Variants in STK39 observed in about 807,000 individuals in gnomAD.
STK39 encodes the protein STE20/SPS1-related proline-alanine-rich protein kinase.
A neutral mutation model predicts 77.8 loss-of-function variants in STK39; 20 were observed. The ratio of observed to expected loss-of-function variants is 0.26; its 90% confidence interval spans 0.18 to 0.37. STK39 has a LOEUF of 0.37. STK39 is among the 10% of genes least tolerant of loss of function. The probability of loss-of-function intolerance (pLI) is 1.00; values close to 1 mark genes in which losing one functional copy is unlikely to be tolerated. For synonymous variants in STK39, 246 were observed against 234.1 expected (o/e 1.05, Z -0.47); for missense variants, 479 against 656.5 (o/e 0.73, Z 2.95).
At chr2:168,195,685 G>C (rs945156586) in intron 1 of STK39, among the ~76,000 whole-genome samples, 1 of 152,178 alleles carries the variant, frequency 6.6e-6, no homozygotes, top group Non-Finnish European at 1.5e-5. Flanking sequence ...CATCCAGTTA[G>C]AGTAACAAGA....
chr2:168,163,953 T>A, intron 3 of STK39, 73 bp from the exon 4 acceptor site: 1 of 1,520,410 alleles, frequency 6.6e-7, no homozygotes, highest in Non-Finnish European at 8.8e-7. Context: ...CCATTATGTA[T>A]AAAATTTAAT....
At chr2:168,024,000 A>C (rs897030093) in intron 14 of STK39, among the ~76,000 whole-genome samples, 1 of 152,178 alleles carries the variant, frequency 6.6e-6, no homozygotes, top group Non-Finnish European at 1.5e-5. Flanking sequence ...TCAAAGGGAT[A>C]CCCACACACT....
At chr2:168,243,458 T>C (rs1363957130) in intron 1 of STK39, among the ~76,000 whole-genome samples, 1 of 152,186 alleles carries the variant, frequency 6.6e-6, no homozygotes, top group Admixed American at 6.5e-5. Flanking sequence ...TCGTGTTGAC[T>C]AAGATGGCAA....
At chr2:168,162,803 A>G (rs1688607795) in intron 4 of STK39, among the ~76,000 whole-genome samples, 1 of 152,046 alleles carries the variant, frequency 6.6e-6, no homozygotes, top group Non-Finnish European at 1.5e-5. Flanking sequence ...TAAGGTGGGC[A>G]GATCATCTGG....
At chr2:168,079,919 T>G (rs139026754) in intron 10 of STK39, among the ~76,000 whole-genome samples, 3,014 of 152,248 alleles carry the variant, frequency 0.02, 102 homozygotes, top group African/African-American at 0.069. Flanking sequence ...GTGACACATG[T>G]AACATGTGTC....
At chr2:168,123,314 T>C (rs536999946) in intron 10 of STK39, among the ~76,000 whole-genome samples, 1 of 152,336 alleles carries the variant, frequency 6.6e-6, no homozygotes, top group East Asian at 1.9e-4. Context: ...TTGGCAAATG[T>C]AGCAAAATTC....
chr2:168,204,754 C>A (rs762657116), intron 1 of STK39, among the ~76,000 whole-genome samples: 1 of 152,144 alleles, frequency 6.6e-6, no homozygotes, highest in Non-Finnish European at 1.5e-5. Flanking sequence ...AGGAGATGAT[C>A]GTTTTTAATG....
intron 5 of STK39, among the ~76,000 whole-genome samples, chr2:168,157,564 C>T (rs758312111): frequency 1.3e-5 from 2 of 152,138 alleles, no homozygotes; most frequent in Non-Finnish European, 2.9e-5. Context: ...AAGGACCCGC[C>T]TTCTTGTTTA....
Position 168,110,427 on chromosome 2 carries a change from G to A in STK39, c.1089+19114C>T, listed in dbSNP as rs140691416. Among the ~76,000 whole-genome samples the A allele has an allele frequency of 6.4e-4, 98 of 151,976 alleles. No individual in the cohort carries two copies. The East Asian group carries it at 0.013, about 20-fold the overall frequency. ...TTTTATTTTTATTTTTTGTAGAGAT[G>A]CGGTCTCGCTATGTTGCCCAGGGTA... On this transcript the variant is annotated intron_variant, in intron 10 of 17. Coordinates refer to ENST00000355999, the MANE Select transcript of STK39 (RefSeq NM_013233.3).
intron 1 of STK39, among the ~76,000 whole-genome samples, chr2:168,234,882 G>A (rs1690557111): frequency 6.6e-6 from 1 of 151,944 alleles, no homozygotes; most frequent in Admixed American, 6.6e-5. Context: ...GCCAGATGCA[G>A]TGGCTCATGC....
intron 10 of STK39, among the ~76,000 whole-genome samples, chr2:168,118,616 A>AAC (rs1171011556): frequency 5.9e-5 from 9 of 151,466 alleles, no homozygotes; most frequent in African/African-American, 1.7e-4. Flanking sequence ...AAAAAAAAAA[A>AAC]AAAAAAACAA....
intron 14 of STK39, 41 bp downstream of exon 14, chr2:168,063,459 T>C: frequency 6.5e-7 from 1 of 1,545,270 alleles, no homozygotes; most frequent in Non-Finnish European, 8.8e-7. Context: ...AAAATTGTAC[T>C]ATAGGAAAAA....
chr2:168,018,237 C>T (rs766065680), intron 14 of STK39, among the ~76,000 whole-genome samples: 5 of 152,054 alleles, frequency 3.3e-5, no homozygotes, highest in Non-Finnish European at 5.9e-5. Flanking sequence ...CAGTGGCTCA[C>T]GCCTGTAATC....
intron 13 of STK39, 119 bp from the exon 14 acceptor site, chr2:168,063,689 T>G: frequency 2.4e-6 from 2 of 841,988 alleles, no homozygotes; most frequent in Non-Finnish European, 3.7e-6. Flanking sequence ...ACTAGATCTT[T>G]ACACACGCAG....
chr2:168,040,992 G>A (rs750205269), intron 14 of STK39, among the ~76,000 whole-genome samples: 9 of 152,092 alleles, frequency 5.9e-5, no homozygotes, highest in Non-Finnish European at 8.8e-5. Context: ...TAAATTTTGT[G>A]CATTATGGGA....
intron 8 of STK39, among the ~76,000 whole-genome samples, chr2:168,131,489 C>T (rs1687695898): frequency 6.6e-6 from 1 of 152,122 alleles, no homozygotes; most frequent in African/African-American, 2.4e-5. Context: ...AGGGATCAAA[C>T]CCAAGCATAG....
intron 14 of STK39, among the ~76,000 whole-genome samples, chr2:168,022,230 A>G (rs1323506368): frequency 6.6e-6 from 1 of 152,178 alleles, no homozygotes; most frequent in Non-Finnish European, 1.5e-5. Flanking sequence ...CCTTATTCTT[A>G]GGTCATTTTG....
chr2:168,177,467 A>G (rs1227914413), intron 2 of STK39, among the ~76,000 whole-genome samples: 1 of 152,190 alleles, frequency 6.6e-6, no homozygotes, highest in Non-Finnish European at 1.5e-5. Context: ...TTAAAGTCTA[A>G]AAGTCATAAA....
At chr2:167,956,354 C>G (rs910553164) in intron 17 of STK39, among the ~76,000 whole-genome samples, 3 of 152,042 alleles carry the variant, frequency 2.0e-5, no homozygotes, top group African/African-American at 7.2e-5. Context: ...GTCAGGAGAT[C>G]GAGACCATCC....
Sources: allele counts gnomAD v4.1 joint callset (sites outside exome capture counted in the v4.1 genomes callset), GRCh38; gene constraint gnomAD v4.1.1; transcripts MANE v1.5; gene names NCBI Gene and HGNC (gene_info 2026-07-23, HGNC 2026-07-21).